SYN3: variants seen among roughly 807,000 people sequenced by gnomAD.
The protein encoded by SYN3 is synapsin III.
In SYN3, 35 loss-of-function variants were observed where a neutral mutation model predicts 65.8. The ratio of observed to expected loss-of-function variants is 0.53; its 90% CI spans 0.41 to 0.70. SYN3 has a LOEUF of 0.70. Among genes scored for constraint, SYN3 ranks in the 30% least tolerant of loss-of-function variants. The pLI, the probability that SYN3 is intolerant of heterozygous loss-of-function variation, is 0.00. For missense variants in SYN3, 680 were observed against 749.0 expected (o/e 0.91, Z 1.08); for synonymous variants, 270 against 292.9 (o/e 0.92, Z 0.80).
intron 2 of SYN3, among the ~76,000 whole-genome samples, chr22:32,981,020 A>AT (rs1388590277): frequency 2.0e-5 from 3 of 150,870 alleles, no homozygotes; most frequent in Admixed American, 6.6e-5. Flanking sequence ...ACATCCGGCT[A>AT]TTTTTTTTAT....
chr22:32,870,184 T>C (rs1210467385), intron 4 of SYN3, among the ~76,000 whole-genome samples: 1 of 152,178 alleles, frequency 6.6e-6, no homozygotes, highest in African/African-American at 2.4e-5. Flanking sequence ...TTCCTTGGCA[T>C]GTACAAAGAA....
chr22:32,654,390 G>A (rs567699384), intron 6 of SYN3, among the ~76,000 whole-genome samples: 4 of 152,240 alleles, frequency 2.6e-5, no homozygotes, highest in East Asian at 1.9e-4. Context: ...TGTCAATGGC[G>A]ACCTCCTCAA....
chr22:32,802,250 G>C, intron 6 of SYN3: 1 of 1,373,138 alleles, frequency 7.3e-7, no homozygotes, highest in Non-Finnish European at 9.7e-7. Context: ...TTGGGGCGGA[G>C]TGGAGAAACT....
intron 6 of SYN3, among the ~76,000 whole-genome samples, chr22:32,640,530 G>A (rs532738137): frequency 3.3e-5 from 5 of 152,294 alleles, no homozygotes; most frequent in African/African-American, 1.2e-4. Flanking sequence ...TAGGGGCTAA[G>A]CAGACAGGAC....
intron 6 of SYN3, among the ~76,000 whole-genome samples, chr22:32,648,302 T>A (rs2060013148): frequency 6.6e-6 from 1 of 152,236 alleles, no homozygotes; most frequent in African/African-American, 2.4e-5. Flanking sequence ...AATTCAATAA[T>A]ATTGCTTTGT....
At chr22:32,513,945 A>G in intron 13 of SYN3, 121 bp from the exon 14 acceptor site, 18 of 1,269,906 alleles carry the variant, frequency 1.4e-5, no homozygotes, top group Non-Finnish European at 1.6e-5. Flanking sequence ...TATGAAGACC[A>G]GAAACCAGGC....
chr22:32,683,707 A>G (rs1306042968), intron 6 of SYN3, among the ~76,000 whole-genome samples: 1 of 152,078 alleles, frequency 6.6e-6, no homozygotes, highest in Non-Finnish European at 1.5e-5. Context: ...CATCTATAAG[A>G]TGTCTTCATG....
chr22:32,982,342 T>C (rs1157903597), intron 2 of SYN3, among the ~76,000 whole-genome samples: 2 of 152,102 alleles, frequency 1.3e-5, no homozygotes, highest in Non-Finnish European at 2.9e-5. Context: ...CATCCGTCCG[T>C]CCTTCCTTCC....
chr22:32,716,933 A>T (rs767169461), intron 6 of SYN3, among the ~76,000 whole-genome samples: 1 of 152,144 alleles, frequency 6.6e-6, no homozygotes, highest in Non-Finnish European at 1.5e-5. Context: ...TTGCTGTACA[A>T]CCATTACCAC....
At chr22:32,613,039 C>T (rs2059467337) in intron 6 of SYN3, among the ~76,000 whole-genome samples, 2 of 151,872 alleles carry the variant, frequency 1.3e-5, no homozygotes, top group South Asian at 4.2e-4. Context: ...GTGTGTGGCA[C>T]TTCCTCTTCT....
rs1372988947 is a variant in SYN3, at chr22:32,593,113, T to C, written c.774+3561A>G. ...GCTTTGTTTTTCTCTCTCTCAGCTA[T>C]GAATATGACATCCTTTGCTTCATCA... On this transcript the variant is annotated intron_variant, in intron 7 of 13. Transcript: ENST00000358763. Among the ~76,000 whole-genome samples the C allele has an allele frequency of 1.5e-4, 23 of 152,226 alleles. 1 individual carries two copies. Among genetic ancestry groups the C allele is most frequent in the Admixed American group, 1.5e-3 (23 of 15,286 alleles).
At chr22:32,878,705 G>T (rs566078228) in intron 4 of SYN3, among the ~76,000 whole-genome samples, 2 of 152,264 alleles carry the variant, frequency 1.3e-5, no homozygotes, top group African/African-American at 4.8e-5. Context: ...TTGGAAGCAG[G>T]CATGTCCTTT....
chr22:32,713,451 C>T (rs1601962626), intron 6 of SYN3, among the ~76,000 whole-genome samples: 1 of 152,206 alleles, frequency 6.6e-6, no homozygotes, highest in East Asian at 1.9e-4. Flanking sequence ...TGCTGAAGAT[C>T]ATGTGGGTTC....
chr22:32,765,155 G>A (rs1335639827), intron 6 of SYN3, among the ~76,000 whole-genome samples: 1 of 152,094 alleles, frequency 6.6e-6, no homozygotes, highest in Non-Finnish European at 1.5e-5. Flanking sequence ...GTGCACCAGA[G>A]GGCCAGAGAG....
At chr22:32,871,456 T>G (rs1425683888) in intron 4 of SYN3, among the ~76,000 whole-genome samples, 1 of 152,190 alleles carries the variant, frequency 6.6e-6, no homozygotes, top group Non-Finnish European at 1.5e-5. Context: ...AGATCCCACA[T>G]GTGAAGTGCT....
At chr22:32,754,915 C>T (rs2045248055) in intron 6 of SYN3, among the ~76,000 whole-genome samples, 1 of 152,174 alleles carries the variant, frequency 6.6e-6, no homozygotes, top group Non-Finnish European at 1.5e-5. Flanking sequence ...CTCCATGGGC[C>T]CCACAGCTGG....
Position 32,609,655 on chromosome 22 carries a change from T to A in SYN3, c.712-12919A>T, listed in dbSNP as rs953760419. ...CCATGCCCAGCTAATTAAAAAAAAA[T>A]AAATAAAAGTGTTTTTGGAGGAGAC... On this transcript the variant is annotated intron_variant, in intron 6 of 13. Transcript: ENST00000358763. 1.6e-4 allele frequency among the ~76,000 whole-genome samples: 23 copies of A among 145,478 alleles called. No homozygotes were observed. In the East Asian group the frequency reaches 4.4e-3, roughly 28 times the overall value.
chr22:32,795,111 G>A (rs1410902134), intron 6 of SYN3, among the ~76,000 whole-genome samples: 1 of 152,208 alleles, frequency 6.6e-6, no homozygotes, highest in Non-Finnish European at 1.5e-5. Context: ...ATCACAGAGG[G>A]CCTTGTTTGT....
intron 6 of SYN3, among the ~76,000 whole-genome samples, chr22:32,778,674 C>T (rs116327145): frequency 0.01 from 1,541 of 152,198 alleles, 21 homozygotes; most frequent in African/African-American, 0.032. Flanking sequence ...TCAGGGTTTA[C>T]GCTGAGTGAA....
Sources: allele counts gnomAD v4.1 joint callset (sites outside exome capture counted in the v4.1 genomes callset), GRCh38; gene constraint gnomAD v4.1.1; transcripts MANE v1.5; gene names NCBI Gene and HGNC (gene_info 2026-07-23, HGNC 2026-07-21).